Variants in RABGAP1L observed in about 807,000 individuals in gnomAD.
RABGAP1L encodes the protein rab GTPase-activating protein 1-like.
Under a neutral mutation model 137.7 loss-of-function variants are expected in RABGAP1L, and 63 were observed. The ratio of observed to expected loss-of-function variants is 0.46; its 90% CI spans 0.37 to 0.56. The LOEUF (loss-of-function observed/expected upper bound fraction) is 0.56. RABGAP1L is among the 20% of genes least tolerant of loss of function. The pLI, the probability that RABGAP1L is intolerant of heterozygous loss-of-function variation, is 0.00. For synonymous variants in RABGAP1L, 431 were observed against 433.7 expected (o/e 0.99, Z 0.08); for missense variants, 1,095 against 1,244.0 (o/e 0.88, Z 1.80).
chr1:174,687,196 AT>A (rs979279705), intron 15 of RABGAP1L, among the ~76,000 whole-genome samples: 1 of 151,806 alleles, frequency 6.6e-6, no homozygotes, highest in African/African-American at 2.4e-5. Flanking sequence ...AATACCCAGA[AT>A]TTTTTTTCTA....
chr1:174,267,939 C>G (rs1420122510), intron 7 of RABGAP1L, among the ~76,000 whole-genome samples: 1 of 152,152 alleles, frequency 6.6e-6, no homozygotes, highest in Non-Finnish European at 1.5e-5. Flanking sequence ...TTCCACACCA[C>G]TGTACATAGT....
chr1:174,850,069 G>A (rs960847644), intron 19 of RABGAP1L: 41 of 539,050 alleles, frequency 7.6e-5, no homozygotes, highest in Non-Finnish European at 1.8e-5. Flanking sequence ...TTGGTAGAGG[G>A]GTGTCTGGGA....
Position 174,221,545 on chromosome 1 carries a change from C to CT in RABGAP1L, c.331+382dup, listed in dbSNP as rs1290025534. ...TTTAAAGTTATATTTAGTAAAAACT[C>CT]TAAGTAAAACATATCAATTCCAACA... On this transcript the variant is annotated intron_variant, in intron 3 of 25. Coordinates refer to ENST00000681986, the MANE Select transcript of RABGAP1L (RefSeq NM_001366446.1). Among the ~76,000 whole-genome samples the CT allele has an allele frequency of 3.3e-5, 5 of 152,240 alleles. No individual in the cohort carries two copies. In the East Asian group the frequency reaches 9.6e-4, roughly 29 times the overall value.
chr1:174,300,315 C>G (rs942611935), intron 10 of RABGAP1L, among the ~76,000 whole-genome samples: 1 of 151,380 alleles, frequency 6.6e-6, no homozygotes, highest in African/African-American at 2.4e-5. Flanking sequence ...CTCCTGAGGT[C>G]GGGAGTTTGA....
intron 13 of RABGAP1L, among the ~76,000 whole-genome samples, chr1:174,487,361 C>T (rs1659770542): frequency 6.6e-6 from 1 of 152,114 alleles, no homozygotes; most frequent in African/African-American, 2.4e-5. Flanking sequence ...AGAACTGACC[C>T]TTTTATCATT....
intron 11 of RABGAP1L, among the ~76,000 whole-genome samples, chr1:174,364,272 T>TTTTTTTTTTTTTTTTTTA: frequency 8.0e-6 from 1 of 124,394 alleles, no homozygotes; most frequent in East Asian, 2.5e-4. Flanking sequence ...TTTTTTTTTT[T>TTTTTTTTTTTTTTTTTTA]GAGACGGAGT....
chr1:174,976,080 A>G lies in RABGAP1L; in HGVS notation c.2547A>G (p.Ala849=). 1 of 1,550,736 alleles carries G rather than the reference A, an allele frequency of 6.4e-7. No individual in the cohort carries two copies. The highest frequency in any genetic ancestry group is 8.7e-7 in the Non-Finnish European group (1 of 1,146,738). ...KIALRNDLDQ[A]EDKADVLNKE... ...CTGTGATGCACCATGATTTGCAGGC[A>G]GAAGACAAGGCAGATGTGTTGAATA... Residue 849 remains alanine (A), a splice_region_variant and synonymous_variant, in exon 22 of 26, where the codon GCA becomes GCG. Coordinates refer to ENST00000681986, the MANE Select transcript of RABGAP1L (RefSeq NM_001366446.1).
intron 3 of RABGAP1L, among the ~76,000 whole-genome samples, chr1:174,230,719 A>C (rs1302177202): frequency 6.6e-6 from 1 of 152,208 alleles, no homozygotes; most frequent in Non-Finnish European, 1.5e-5. Flanking sequence ...CTATCTGGGA[A>C]CAAAAAGAAG....
chr1:174,919,706 A>C (rs1288074035), intron 19 of RABGAP1L, among the ~76,000 whole-genome samples: 1 of 152,148 alleles, frequency 6.6e-6, no homozygotes, highest in Admixed American at 6.5e-5. Context: ...AAAATTAAAA[A>C]ATTATCTGGG....
intron 17 of RABGAP1L, among the ~76,000 whole-genome samples, chr1:174,732,110 A>T (rs976973235): frequency 1.6e-4 from 25 of 152,114 alleles, no homozygotes; most frequent in Non-Finnish European, 7.4e-5. Flanking sequence ...GAGGCAGGAG[A>T]ATCACTTGGA....
chr1:174,601,591 C>G (rs934143847), intron 13 of RABGAP1L, among the ~76,000 whole-genome samples: 1 of 152,034 alleles, frequency 6.6e-6, no homozygotes, highest in Non-Finnish European at 1.5e-5. Context: ...CATATGTACA[C>G]CTATGTAACA....
rs183367632 is a variant in RABGAP1L, at chr1:174,687,207, A to T, written c.1899+3611A>T. ...CTCAAATACCCAGAATTTTTTTTCTACATTAGGTACTCTACTATTATAAGG... is the reference window on the plus strand; with the variant it reads ...CTCAAATACCCAGAATTTTTTTTCTTCATTAGGTACTCTACTATTATAAGG... On this transcript the variant is annotated intron_variant, in intron 15 of 25. Transcript: ENST00000681986. Among the ~76,000 whole-genome samples, 10 of 152,176 alleles carry T rather than the reference A, an allele frequency of 6.6e-5. No homozygotes were observed. The East Asian group carries it at 1.7e-3, about 27-fold the overall frequency.
chr1:174,498,211 A>T (rs147072932), intron 13 of RABGAP1L, among the ~76,000 whole-genome samples: 50 of 152,268 alleles, frequency 3.3e-4, no homozygotes, highest in Middle Eastern at 3.4e-3. Context: ...AAGAAGAGTG[A>T]AGTAATATAT....
At chr1:174,662,121 T>TTTTTTTTTTTTTTTG (rs59243192) in intron 14 of RABGAP1L, among the ~76,000 whole-genome samples, 2 of 135,224 alleles carry the variant, frequency 1.5e-5, no homozygotes, top group African/African-American at 3.0e-5. Context: ...TTTTTTTTTT[T>TTTTTTTTTTTTTTTG]GAGTTGGAGT....
At chr1:174,504,125 A>G (rs1351679998) in intron 13 of RABGAP1L, among the ~76,000 whole-genome samples, 1 of 151,926 alleles carries the variant, frequency 6.6e-6, no homozygotes, top group Non-Finnish European at 1.5e-5. Context: ...GGTATCAGCC[A>G]CCATGCCTGG....
chr1:174,980,909 GTTT>G (rs370748304), intron 23 of RABGAP1L, among the ~76,000 whole-genome samples: 1 of 143,864 alleles, frequency 7.0e-6, no homozygotes, highest in African/African-American at 2.5e-5. Context: ...AGTTTTTTTT[GTTT>G]TTTTTTTTTG....
chr1:174,617,476 T>G (rs1671996048), intron 13 of RABGAP1L, among the ~76,000 whole-genome samples: 1 of 152,246 alleles, frequency 6.6e-6, no homozygotes, highest in African/African-American at 2.4e-5. Context: ...GAACTAGAAC[T>G]GTTATAGTCT....
At chr1:174,837,481 A>T (rs1395251109) in intron 19 of RABGAP1L, among the ~76,000 whole-genome samples, 2 of 152,210 alleles carry the variant, frequency 1.3e-5, no homozygotes, top group African/African-American at 2.4e-5. Context: ...TTTTGCAAGA[A>T]TTGGGCAAAT....
intron 5 of RABGAP1L, among the ~76,000 whole-genome samples, chr1:174,249,554 C>G (rs1190250715): frequency 6.6e-6 from 1 of 150,436 alleles, no homozygotes; most frequent in Non-Finnish European, 1.5e-5. Context: ...ATCTTTATCA[C>G]CATGTTTAAA....
Sources: gnomAD v4.1 joint callset for allele counts (sites outside exome capture counted in the v4.1 genomes callset) on GRCh38, gnomAD v4.1.1 for gene constraint, MANE v1.5 for transcripts, NCBI Gene and HGNC (gene_info 2026-07-23, HGNC 2026-07-21) for gene names.